WFDC1: variants seen among roughly 807,000 people sequenced by gnomAD.
WFDC1 encodes WAP four-disulfide core domain 1.
In WFDC1, 39 loss-of-function variants were observed where a neutral mutation model predicts 32.9. The observed-to-expected ratio is 1.19, with a 90% CI of 0.92 to 1.55. WFDC1 has a LOEUF of 1.55. Ranked by LOEUF, WFDC1 falls within the 40% of genes most tolerant of loss-of-function variation. The probability of loss-of-function intolerance (pLI) is 0.00; values close to 1 mark genes in which losing one functional copy is unlikely to be tolerated. For missense variants in WFDC1, 386 were observed against 309.5 expected (o/e 1.25, Z -1.85); for synonymous variants, 184 against 137.4 (o/e 1.34, Z -2.37).
intron 5 of WFDC1, chr16:84,326,115 ATCC>A (rs1908584472): frequency 1.3e-5 from 2 of 150,244 alleles, no homozygotes; most frequent in Non-Finnish European, 3.0e-5. Context: ...CTATCCATCC[ATCC>A]ATCCATCCAT....
At chr16:84,316,455 C>T (rs1907953949) in intron 2 of WFDC1, 1 of 152,184 alleles carries the variant, frequency 6.6e-6, no homozygotes, top group Non-Finnish European at 1.5e-5. Context: ...CAGTTTTGAT[C>T]TCCAACATGC....
chr16:84,323,276 A>G lies in WFDC1; in HGVS notation c.563-1143A>G, dbSNP rs548740538. On this transcript the variant is annotated intron_variant, in intron 4 of 6. Transcript: ENST00000219454. ...ATGATTTTTAGTATGGCCACAAAACAAAAGAAAAAGAAAATGTCTGGCTAC... is the reference window on the plus strand; with the variant it reads ...ATGATTTTTAGTATGGCCACAAAACGAAAGAAAAAGAAAATGTCTGGCTAC... Among the ~76,000 whole-genome samples, 5 of 152,368 alleles carry G rather than the reference A, an allele frequency of 3.3e-5. No homozygotes were observed. In the South Asian group the frequency reaches 1.0e-3, roughly 32 times the overall value.
chr16:84,312,095 G>T (rs1041987818), intron 1 of WFDC1, among the ~76,000 whole-genome samples: 4 of 152,148 alleles, frequency 2.6e-5, no homozygotes, highest in Non-Finnish European at 4.4e-5. Context: ...AACCCAGGAG[G>T]TGGAGGTTGT....
intron 1 of WFDC1, 34 bp from the exon 2 acceptor site, chr16:84,312,927 C>G (rs759103112): frequency 8.7e-7 from 1 of 1,143,230 alleles, no homozygotes. Flanking sequence ...CGAACGCGCG[C>G]CCCAGAGCTG....
rs182436603 is a variant in WFDC1, at chr16:84,302,168, G to A, written c.144+7053G>A. ...AACGTCCAGAAGAGGCAAATCCAGC[G>A]GGACGGGAAGGAGATTCTTGGTTGC... On this transcript the variant is annotated intron_variant, in intron 1 of 6. Coordinates refer to ENST00000219454, the MANE Select transcript of WFDC1 (RefSeq NM_021197.4). Among the ~76,000 whole-genome samples the A allele has an allele frequency of 1.4e-3, 206 of 152,224 alleles. 2 individuals are homozygous for A. The highest frequency in any genetic ancestry group is 4.4e-3 in the African/African-American group (182 of 41,530).
chr16:84,317,321 TAA>T (rs1908016780), intron 2 of WFDC1: 1 of 133,824 alleles, frequency 7.5e-6, no homozygotes, highest in African/African-American at 3.0e-5. Flanking sequence ...AATAAATAAA[TAA>T]ATAAATAAAT....
Position 84,313,060 on chromosome 16 carries a change from C to A in WFDC1, c.244C>A (p.Arg82Ser). ...GCCCCCCGGCGCCTGCCAGGCCGCG[C>A]GCTGTCAGGCGGACTCCGAGTGCCC... ...TLPPGACQAA[R>S]CQADSECPRH... The change falls in exon 2 of 7, where the codon CGC (arginine) becomes AGC (serine). Residue 82 changes from arginine (R) to serine (S), a missense_variant. By Grantham distance (110) the Arg-to-Ser change is moderately radical (BLOSUM62 -1). Transcript: ENST00000219454. 7.2e-7 allele frequency: 1 copy of A among 1,397,742 alleles called. No homozygotes were observed. Among genetic ancestry groups the A allele is most frequent in the Non-Finnish European group, 9.3e-7 (1 of 1,077,796 alleles). The allele number at this position is 1,397,742 out of a possible 1,614,324, so 86.6% of individuals were successfully genotyped here.
chr16:84,302,244 G>C (rs1358918517), intron 1 of WFDC1, among the ~76,000 whole-genome samples: 8 of 152,142 alleles, frequency 5.3e-5, no homozygotes, highest in Non-Finnish European at 1.2e-4. Flanking sequence ...TGAGAACAGA[G>C]GTTCTGCCTG....
intron 5 of WFDC1, chr16:84,325,726 C>A (rs1468231135): frequency 6.6e-6 from 1 of 152,016 alleles, no homozygotes. Flanking sequence ...ATTCTTCCAT[C>A]TATCCATCTA....
chr16:84,319,456 T>TG lies in WFDC1; in HGVS notation c.451dup (p.Ala151GlyfsTer11). On this transcript the variant is annotated frameshift_variant, in exon 4 of 7. Transcript: ENST00000219454. LOFTEE classifies it high-confidence loss of function. ...CAGAGGCGTGCAGCACCACGGAGGA[T>TG]GGGGCCGAACCCCTGCTCTGTCCCT... 1 of 1,611,504 alleles carries TG rather than the reference T, an allele frequency of 6.2e-7. No homozygotes were observed. The highest frequency in any genetic ancestry group is 8.5e-7 in the Non-Finnish European group (1 of 1,179,902).
intron 1 of WFDC1, among the ~76,000 whole-genome samples, chr16:84,311,384 A>ATTTTTTT (rs747950638): frequency 0.17 from 19,118 of 115,828 alleles, 2,069 homozygotes; most frequent in East Asian, 0.33. Flanking sequence ...CGCCCGGCTA[A>ATTTTTTT]TTTTTTTTCT....
intron 1 of WFDC1, chr16:84,295,772 C>T (rs977598086): frequency 4.6e-5 from 7 of 152,434 alleles, no homozygotes; most frequent in African/African-American, 1.2e-4. Flanking sequence ...TCATTAGCTG[C>T]GTGGCTTCTC....
At chr16:84,316,686 A>C (rs1907968687) in intron 2 of WFDC1, 1 of 152,370 alleles carries the variant, frequency 6.6e-6, no homozygotes, top group East Asian at 1.9e-4. Flanking sequence ...ATTTTTAAAA[A>C]TACAGACTTG....
intron 1 of WFDC1, chr16:84,295,860 C>G (rs1906565798): frequency 6.6e-6 from 1 of 152,484 alleles, no homozygotes. Context: ...CTTCACACAA[C>G]TATGTCTGGG....
intron 1 of WFDC1, 130 bp from the exon 2 acceptor site, chr16:84,312,831 T>A (rs922688030): frequency 2.3e-6 from 1 of 437,474 alleles, no homozygotes; most frequent in South Asian, 1.0e-4. Context: ...TCTGCCTGCT[T>A]GCTGTTTCTC....
intron 2 of WFDC1, chr16:84,317,292 C>G (rs1908010485): frequency 9.9e-6 from 1 of 101,000 alleles, no homozygotes; most frequent in Admixed American, 1.2e-4. Context: ...GACTCTGTCT[C>G]AAAATAAATA....
Position 84,313,048 on chromosome 16 carries a change from TGCCAGGCCGCGCGCTGTCAG to T in WFDC1, c.235_254del (p.Gln79GlyfsTer51). On this transcript the variant is annotated frameshift_variant, in exon 2 of 7. Transcript: ENST00000219454. LOFTEE classifies it high-confidence loss of function. ...TCCGCGGACGCTGCCCCCCGGCGCC[TGCCAGGCCGCGCGCTGTCAG>T]GCGGACTCCGAGTGCCCGCGGCACC... 7.2e-7 allele frequency: 1 copy of T among 1,379,892 alleles called. No individual in the cohort carries two copies. Among genetic ancestry groups the T allele is most frequent in the Non-Finnish European group, 9.4e-7 (1 of 1,068,424 alleles). 85.5% of individuals were successfully genotyped at this position (1,379,892 alleles called of 1,614,324 possible).
At position 84,295,013 on chromosome 16, in the gene WFDC1, G is replaced by C. The variant is rs1157303583; in HGVS notation, c.42G>C (p.Gln14His). Reference protein sequence around the residue: ...TGVGPGSCRRQIIRALCLLLL... With the variant: ...TGVGPGSCRRHIIRALCLLLL... ...TGGGGCCGGGCAGCTGCAGGAGGCA[G>C]ATCATCCGGGCTCTGTGCCTCTTGC... Residue 14 changes from glutamine to histidine, a missense_variant, in exon 1 of 7, where the codon CAG (glutamine) becomes CAC (histidine). Coordinates refer to ENST00000219454, the MANE Select transcript of WFDC1 (RefSeq NM_021197.4). 10 of 1,614,180 alleles carry C rather than the reference G, an allele frequency of 6.2e-6. No homozygotes were observed. The highest frequency in any genetic ancestry group is 1.1e-5 in the South Asian group (1 of 91,088).
chr16:84,326,026 CTATT>C (rs1908573619), intron 5 of WFDC1: 1 of 40,652 alleles, frequency 2.5e-5, no homozygotes, highest in East Asian at 8.4e-4. Flanking sequence ...ATCCATCTAT[CTATT>C]CAGCCATCCA....
Sources: allele counts gnomAD v4.1 joint callset (sites outside exome capture counted in the v4.1 genomes callset), GRCh38; gene constraint gnomAD v4.1.1; transcripts MANE v1.5; gene names NCBI Gene and HGNC (gene_info 2026-07-23, HGNC 2026-07-21).